GOLGA7: variants seen among roughly 807,000 people sequenced by gnomAD.
The protein encoded by GOLGA7 is golgin subfamily A member 7.
A neutral mutation model predicts 21.1 loss-of-function variants in GOLGA7; 10 were observed. The ratio of observed to expected loss-of-function variants is 0.47; its 90% CI spans 0.29 to 0.80. The LOEUF is 0.80. Ranked by LOEUF, GOLGA7 falls within the 30% of genes least tolerant of loss-of-function variation. The pLI is 0.08. For missense variants in GOLGA7, 114 were observed against 166.8 expected, an observed-to-expected ratio of 0.68 and a Z score of 1.74; for synonymous variants, 64 against 62.6, an observed-to-expected ratio of 1.02 and a Z score of -0.10.
At chr8:41,501,094 T>G (rs185848910) in intron 2 of GOLGA7, among the ~76,000 whole-genome samples, 336 of 152,330 alleles carry the variant, frequency 2.2e-3, no homozygotes, top group Non-Finnish European at 3.7e-3. Flanking sequence ...GATAAAATTT[T>G]AATTGTATTT....
chr8:41,504,117 TAATAAAA>T (rs752038835), intron 2 of GOLGA7, among the ~76,000 whole-genome samples: 1 of 19,924 alleles, frequency 5.0e-5, no homozygotes, highest in African/African-American at 1.4e-4. Context: ...ACTTAGAGTA[TAATAAAA>T]AAAAAAAAAA....
At chr8:41,497,396 C>A in intron 1 of GOLGA7, 113 bp from the exon 2 acceptor site, 1 of 618,470 alleles carries the variant, frequency 1.6e-6, no homozygotes. Context: ...GATTTAGTCA[C>A]CAAAAAAATT....
At chr8:41,498,520 C>T (rs1806074770) in intron 2 of GOLGA7, among the ~76,000 whole-genome samples, 1 of 152,192 alleles carries the variant, frequency 6.6e-6, no homozygotes, top group African/African-American at 2.4e-5. Context: ...GGTCAGCAAA[C>T]ATACCCACTG....
Position 41,497,668 on chromosome 8 carries a change from C to G in GOLGA7, c.264+7C>G. 1 of 1,468,716 alleles carries G rather than the reference C, an allele frequency of 6.8e-7. No homozygotes were observed. Among genetic ancestry groups the G allele is most frequent in the Non-Finnish European group, 9.4e-7 (1 of 1,063,312 alleles). The allele number at this position is 1,468,716 out of a possible 1,614,324, so 91.0% of individuals were successfully genotyped here. A position where few individuals can be genotyped will look rare whatever the true frequency, so the allele number is the denominator to read the frequency against. ...GGAAACTCATTATGAGAAGGTAATG[C>G]TACATTTGTTTTCACAAAAATCTCT... On this transcript the variant is annotated splice_region_variant and intron_variant, in intron 2 of 4. Transcript: ENST00000357743.
At position 41,507,450 on chromosome 8, in the gene GOLGA7, A is replaced by G. The variant is rs189657687; in HGVS notation, c.*15+329A>G. On this transcript the variant is annotated intron_variant, in intron 4 of 4. Coordinates refer to ENST00000357743, the MANE Select transcript of GOLGA7 (RefSeq NM_001002296.2). ...TCAAAACTATCCTAGACATATAAATACTTGGGTTTTGCATATAAGAATGAG... is the reference window on the plus strand; with the variant it reads ...TCAAAACTATCCTAGACATATAAATGCTTGGGTTTTGCATATAAGAATGAG... 3.5e-3 allele frequency among the ~76,000 whole-genome samples: 526 copies of G among 152,236 alleles called. 1 individual carries two copies. The highest frequency in any genetic ancestry group is 0.012 in the African/African-American group (494 of 41,548).
rs1351804128 is a variant in GOLGA7, at chr8:41,490,686, C to G, written c.-169C>G. On this transcript the variant is annotated 5_prime_UTR_variant, in exon 1 of 5. Transcript: ENST00000357743. ...CCTGGGCCAGGCGGCAGCTAAGGCC[C>G]GCGGTGACAGCATGGGTGAAGGGGA... 1 of 554,488 alleles carries G rather than the reference C, an allele frequency of 1.8e-6. No individual in the cohort carries two copies. Among genetic ancestry groups the G allele is most frequent in the Non-Finnish European group, 3.2e-6 (1 of 314,704 alleles). 34.3% of individuals were successfully genotyped at this position (554,488 alleles called of 1,614,324 possible).
At chr8:41,494,337 G>C (rs1476485495) in intron 1 of GOLGA7, among the ~76,000 whole-genome samples, 1 of 152,068 alleles carries the variant, frequency 6.6e-6, no homozygotes, top group East Asian at 1.9e-4. Flanking sequence ...AATAATTAGG[G>C]TTTCCGGGAT....
chr8:41,506,162 G>C, intron 3 of GOLGA7, 150 bp downstream of exon 3: 1 of 509,530 alleles, frequency 2.0e-6, no homozygotes, highest in Non-Finnish European at 3.4e-6. Context: ...TAAACCCCGT[G>C]TCTCCAACAT....
At chr8:41,500,068 A>G (rs1806113612) in intron 2 of GOLGA7, among the ~76,000 whole-genome samples, 1 of 152,222 alleles carries the variant, frequency 6.6e-6, no homozygotes, top group Non-Finnish European at 1.5e-5. Context: ...TTGTTTGCTC[A>G]GTAACTATTG....
chr8:41,499,277 C>A (rs1806093184), intron 2 of GOLGA7, among the ~76,000 whole-genome samples: 1 of 152,128 alleles, frequency 6.6e-6, no homozygotes, highest in South Asian at 2.1e-4. Flanking sequence ...GCTCCTGAAG[C>A]CCCAGTGGGC....
At position 41,499,741 on chromosome 8, in the gene GOLGA7, A is replaced by G. The variant is rs140584418; in HGVS notation, c.264+2080A>G. Among the ~76,000 whole-genome samples, 668 of 152,110 alleles carry G rather than the reference A, an allele frequency of 4.4e-3. 4 individuals carry two copies. The highest frequency in any genetic ancestry group is 0.015 in the African/African-American group (606 of 41,474). Reference sequence around the variant, plus strand: ...GTCTCAGGGCTTTTATAGGCACAGGATAGGGGTGTGGCAGGCCAGGGTGGA... The same window carrying G: ...GTCTCAGGGCTTTTATAGGCACAGGGTAGGGGTGTGGCAGGCCAGGGTGGA... On this transcript the variant is annotated intron_variant, in intron 2 of 4. Coordinates refer to ENST00000357743, the MANE Select transcript of GOLGA7 (RefSeq NM_001002296.2).
At chr8:41,508,581 A>C (rs942450469) in intron 4 of GOLGA7, among the ~76,000 whole-genome samples, 1 of 152,174 alleles carries the variant, frequency 6.6e-6, no homozygotes, top group South Asian at 2.1e-4. Flanking sequence ...AGCTGCGATG[A>C]CTTGGCACAG....
At position 41,507,709 on chromosome 8, in the gene GOLGA7, T is replaced by C. The variant is rs1806319540; in HGVS notation, c.*15+588T>C. Among the ~76,000 whole-genome samples, 3 of 152,186 alleles carry C rather than the reference T, an allele frequency of 2.0e-5. No homozygotes were observed. The South Asian group carries it at 6.2e-4, about 32-fold the overall frequency. ...TGAGTAAGAAACAAATTAATACTAC[T>C]AAGAATCTCTAGGCAGAGTCACGTT... is the stretch of plus-strand genomic sequence containing the variant. On this transcript the variant is annotated intron_variant, in intron 4 of 4. Transcript: ENST00000357743.
intron 4 of GOLGA7, 75 bp from the exon 5 acceptor site, chr8:41,509,509 T>C (rs1392480555): frequency 6.6e-6 from 1 of 152,624 alleles, no homozygotes; most frequent in Non-Finnish European, 1.5e-5. Flanking sequence ...CTGATATCAG[T>C]TGATGGAAGA....
At position 41,490,821 on chromosome 8, in the gene GOLGA7, C is replaced by T. The variant is rs368262378; in HGVS notation, c.-34C>T. ...GCTCTGACTCGCGGTTGGTGTTCCC[C>T]CGACCCCGCAGCGCGGGGTGTCCTG... On this transcript the variant is annotated 5_prime_UTR_variant, in exon 1 of 5. Coordinates refer to ENST00000357743, the MANE Select transcript of GOLGA7 (RefSeq NM_001002296.2). The T allele has an allele frequency of 1.5e-6, 2 of 1,293,058 alleles. 1 individual carries two copies. The highest frequency in any genetic ancestry group is 3.9e-5 in the Admixed American group (2 of 50,932). The allele number at this position is 1,293,058 out of a possible 1,614,324, so 80.1% of individuals were successfully genotyped here. A position where few individuals can be genotyped will look rare whatever the true frequency, so the allele number is the denominator to read the frequency against.
At chr8:41,493,817 G>GTGACTTC in intron 1 of GOLGA7, among the ~76,000 whole-genome samples, 1 of 152,264 alleles carries the variant, frequency 6.6e-6, no homozygotes, top group South Asian at 2.1e-4. Flanking sequence ...TTATTTGGCT[G>GTGACTTC]TGACTTCTCA....
At chr8:41,505,766 A>T in intron 2 of GOLGA7, 145 bp from the exon 3 acceptor site, 1 of 516,598 alleles carries the variant, frequency 1.9e-6, no homozygotes, top group East Asian at 3.3e-5. Flanking sequence ...ATGTGAGCCA[A>T]GTAATCACAG....
rs536270850 is a variant in GOLGA7 at position 41,504,152 on chromosome 8, A to C, written c.265-1759A>C. Among the ~76,000 whole-genome samples, 13 of 150,490 alleles carry C rather than the reference A, an allele frequency of 8.6e-5. No individual in the cohort carries two copies. The South Asian group carries it at 1.1e-3, about 12-fold the overall frequency. ...AAAAAAAAAACAAAACAAAACAAAA[A>C]AAAAACTTGCCCAGCAAAGTTATGC... On this transcript the variant is annotated intron_variant, in intron 2 of 4. Transcript: ENST00000357743.
intron 1 of GOLGA7, among the ~76,000 whole-genome samples, chr8:41,495,202 CAAAAAA>C (rs1200554916): frequency 1.5e-4 from 6 of 39,620 alleles, no homozygotes; most frequent in Non-Finnish European, 2.9e-4. Flanking sequence ...GACTCTGTCT[CAAAAAA>C]AAAAAAAAAA....
Sources: allele counts gnomAD v4.1 joint callset (sites outside exome capture counted in the v4.1 genomes callset), GRCh38; gene constraint gnomAD v4.1.1; transcripts MANE v1.5; gene names NCBI Gene and HGNC (gene_info 2026-07-23, HGNC 2026-07-21).